Variants in CRB2 observed in about 807,000 individuals in gnomAD.
The protein encoded by CRB2 is crumbs cell polarity complex component 2.
A neutral mutation model predicts 110.9 loss-of-function variants in CRB2; 85 were observed. That is an observed-to-expected ratio of 0.77 (90% CI 0.64 to 0.92). The LOEUF (loss-of-function observed/expected upper bound fraction) is 0.92. CRB2 is among the 40% of genes least tolerant of loss of function. The pLI is 0.00. For missense variants in CRB2, 1,843 were observed against 1,851.3 expected (o/e 1.00, Z 0.08); for synonymous variants, 907 against 831.0 (o/e 1.09, Z -1.57).
rs960391973 is a variant in CRB2, at chr9:123,371,137, G to T, written c.1995G>T (p.Leu665=). Residue 665 remains leucine (L), a synonymous_variant, in exon 8 of 13, where the codon CTG becomes CTT. Coordinates refer to ENST00000373631, the MANE Select transcript of CRB2 (RefSeq NM_173689.7). The part of the protein sequence containing the change: ...PSSASFLLQE[L]PGPNLTVSFL... Reference sequence around the variant, plus strand: ...CTGCCTCCTTTCTGCTCCAAGAGCTGCCAGGTCCCAACCTCACAGTGTCTT... The same window carrying T: ...CTGCCTCCTTTCTGCTCCAAGAGCTTCCAGGTCCCAACCTCACAGTGTCTT... The T allele has an allele frequency of 1.2e-6, 2 of 1,613,562 alleles. No homozygotes were observed. Among genetic ancestry groups the T allele is most frequent in the Non-Finnish European group, 1.7e-6 (2 of 1,180,032 alleles).
intron 6 of CRB2, chr9:123,368,963 G>A: frequency 8.2e-7 from 1 of 1,216,480 alleles, no homozygotes; most frequent in South Asian, 1.4e-5. Flanking sequence ...AGGAATGTGG[G>A]CCCTGGGCAG....
Position 123,370,518 on chromosome 9 carries a change from G to A in CRB2, c.1465G>A (p.Val489Met), listed in dbSNP as rs1327641106. The change falls in exon 7 of 13, where the codon GTG (valine) becomes ATG (methionine). Residue 489 changes from valine to methionine, a missense_variant. Transcript: ENST00000373631. ...CAAGGAAAGCTTGGAGCTGGCATTGGTGGCAGCCACACTTCAGGCCACACT... is the reference window on the plus strand; with the variant it reads ...CAAGGAAAGCTTGGAGCTGGCATTGATGGCAGCCACACTTCAGGCCACACT... ...DTKESLELAL[V>M]AATLQATLWS... The A allele has an allele frequency of 1.2e-6, 2 of 1,613,306 alleles. No individual in the cohort carries two copies. The highest frequency in any genetic ancestry group is 2.7e-5 in the African/African-American group (2 of 74,940).
At position 123,365,897 on chromosome 9, in the gene CRB2, G is replaced by A; in HGVS notation, c.419-20G>A. 6.3e-7 allele frequency: 1 copy of A among 1,579,460 alleles called. No individual in the cohort carries two copies. Among genetic ancestry groups the A allele is most frequent in the Non-Finnish European group, 8.5e-7 (1 of 1,169,852 alleles). On this transcript the variant is annotated intron_variant, in intron 2 of 12. Transcript: ENST00000373631. The stretch of plus-strand genomic sequence containing the variant: ...TCTGGGTGTCCATCCTGCACCCTGT[G>A]TGTCCCCTGCCCTGTCCAGGCGTGA...
In CRB2 at chr9:123,377,337, AGT is replaced by A; in HGVS notation, c.*280_*281del. Reference sequence around the variant, plus strand: ...CGTGGGAGGGCACACGTGGGTTCACAGTGTGTTCAGGAGTGTGTGTATCTGGA... The same window carrying A: ...CGTGGGAGGGCACACGTGGGTTCACAGTGTTCAGGAGTGTGTGTATCTGGA... On this transcript the variant is annotated 3_prime_UTR_variant, in exon 13 of 13. Coordinates refer to ENST00000373631, the MANE Select transcript of CRB2 (RefSeq NM_173689.7). 4.3e-6 allele frequency: 2 copies of A among 465,248 alleles called. No homozygotes were observed. Among genetic ancestry groups the A allele is most frequent in the African/African-American group, 1.9e-5 (1 of 51,378 alleles). The allele number at this position is 465,248 out of a possible 1,614,324, so 28.8% of individuals were successfully genotyped here. A position where few individuals can be genotyped will look rare whatever the true frequency, so the allele number is the denominator to read the frequency against.
chr9:123,374,602 G>A lies in CRB2; in HGVS notation c.3413G>A (p.Cys1138Tyr), dbSNP rs998771881. The change falls in exon 11 of 13, where the codon TGC becomes TAC. Residue 1138 changes from cysteine to tyrosine, a missense_variant. Transcript: ENST00000373631. ...AGGTTGCCTGTCCCATCCAAGGAGTGCAGCCTGAATGTCACCTGCCTCGAT... is the reference window on the plus strand; with the variant it reads ...AGGTTGCCTGTCCCATCCAAGGAGTACAGCCTGAATGTCACCTGCCTCGAT... Reference protein sequence around the residue: ...RCRLPVPSKECSLNVTCLDGS... With the variant: ...RCRLPVPSKEYSLNVTCLDGS... 15 of 1,613,330 alleles carry A rather than the reference G, an allele frequency of 9.3e-6. No individual in the cohort carries two copies. The highest frequency in any genetic ancestry group is 1.3e-5 in the Non-Finnish European group (15 of 1,179,914).
intron 1 of CRB2, among the ~76,000 whole-genome samples, chr9:123,361,171 G>T (rs970273395): frequency 6.6e-6 from 1 of 151,938 alleles, no homozygotes; most frequent in Non-Finnish European, 1.5e-5. Context: ...ACAGGTGAGG[G>T]ACAGTGCTCT....
At chr9:123,376,634 C>A (rs1450283674) in intron 12 of CRB2, among the ~76,000 whole-genome samples, 1 of 152,196 alleles carries the variant, frequency 6.6e-6, no homozygotes, top group African/African-American at 2.4e-5. Flanking sequence ...TTGTATAGGC[C>A]TCCCCGAGCA....
At chr9:123,376,816 C>CTCGGTG in intron 12 of CRB2, 22 bp from the exon 13 acceptor site, 1 of 1,592,244 alleles carries the variant, frequency 6.3e-7, no homozygotes, top group African/African-American at 1.3e-5. Flanking sequence ...GGTCTTAGGC[C>CTCGGTG]TCGGTGTCGT....
At chr9:123,372,413 T>C (rs1004861289) in intron 9 of CRB2, 71 bp downstream of exon 9, 2 of 1,510,384 alleles carry the variant, frequency 1.3e-6, no homozygotes, top group African/African-American at 1.4e-5. Flanking sequence ...CCATCTGCAC[T>C]CTCAGGGCTT....
upstream of CRB2, among the ~76,000 whole-genome samples, chr9:123,354,317 G>A (rs2041776902): frequency 2.0e-5 from 3 of 152,366 alleles, no homozygotes; most frequent in South Asian, 2.1e-4. Flanking sequence ...TGACCTCCCC[G>A]CTCTGTGAAA....
chr9:123,367,436 C>CTA, intron 5 of CRB2, 79 bp downstream of exon 5: 1 of 1,105,198 alleles, frequency 9.0e-7, no homozygotes, highest in Non-Finnish European at 1.2e-6. Context: ...CCCACCCCCC[C>CTA]CACCCCCCCA....
In CRB2 at chr9:123,373,141, G is replaced by A. The variant is rs1162203262; in HGVS notation, c.2610G>A (p.Ala870=). ...GGCTCCTTCTCTCCGCAGGTGTGGC[G>A]GAGGCCACGTTCCGCGAGGGTCCCC... ...EEVPDGFVCV[A]EATFREGPPA... is the part of the protein sequence containing the mutation. Residue 870 remains alanine (A), a synonymous_variant, in exon 10 of 13, where the codon GCG becomes GCA. Coordinates refer to ENST00000373631, the MANE Select transcript of CRB2 (RefSeq NM_173689.7). 4.0e-6 allele frequency: 6 copies of A among 1,505,108 alleles called. No individual in the cohort carries two copies. The highest frequency in any genetic ancestry group is 2.1e-5 in the Admixed American group (1 of 47,480). The allele number at this position is 1,505,108 out of a possible 1,614,324, so 93.2% of individuals were successfully genotyped here. A position where few individuals can be genotyped will look rare whatever the true frequency, so the allele number is the denominator to read the frequency against.
At chr9:123,356,382 C>T in intron 1 of CRB2, 28 bp downstream of exon 1, 1 of 1,499,220 alleles carries the variant, frequency 6.7e-7, no homozygotes, top group Non-Finnish European at 8.9e-7. Context: ...TCTGGAGGGG[C>T]CTGGGAGAGG....
At chr9:123,376,029 GTTTCC>G (rs2042098255) in intron 12 of CRB2, among the ~76,000 whole-genome samples, 1 of 152,038 alleles carries the variant, frequency 6.6e-6, no homozygotes, top group South Asian at 2.1e-4. Flanking sequence ...TACGGGGAAT[GTTTCC>G]TTTCAAGTTG....
At chr9:123,366,683 T>G (rs976626035) in intron 4 of CRB2, among the ~76,000 whole-genome samples, 8 of 152,142 alleles carry the variant, frequency 5.3e-5, no homozygotes, top group African/African-American at 1.9e-4. Flanking sequence ...CCGGGCGCGG[T>G]GGCTCAAGCC....
chr9:123,373,312 C>G lies in CRB2; in HGVS notation c.2781C>G (p.Gly927=). The G allele has an allele frequency of 2.1e-6, 3 of 1,461,778 alleles. No individual in the cohort carries two copies. The highest frequency in any genetic ancestry group is 1.8e-6 in the Non-Finnish European group (2 of 1,115,858). The allele number at this position is 1,461,778 out of a possible 1,614,324, so 90.6% of individuals were successfully genotyped here. Reference sequence around the variant, plus strand: ...GCGTGTGGCTGGCGGTGCGCAATGGCTCGCTGGCGGGGGGCGTGCGCGGAG... The same window carrying G: ...GCGTGTGGCTGGCGGTGCGCAATGGGTCGCTGGCGGGGGGCGTGCGCGGAG... The part of the protein sequence containing the change: ...LEGVWLAVRN[G]SLAGGVRGGH... Residue 927 remains glycine, a synonymous_variant, in exon 10 of 13, where the codon GGC becomes GGG. Coordinates refer to ENST00000373631, the MANE Select transcript of CRB2 (RefSeq NM_173689.7).
chr9:123,378,545 C>A lies in CRB2; in HGVS notation c.*1483C>A, dbSNP rs906496788. 1 of 152,204 alleles carries A rather than the reference C, an allele frequency of 6.6e-6. No homozygotes were observed. Among genetic ancestry groups the A allele is most frequent in the Non-Finnish European group, 1.5e-5 (1 of 68,076 alleles). The allele number at this position is 152,204 out of a possible 1,614,324, so 9.4% of individuals were successfully genotyped here. ...TCAGCAGACGCTGGGATAGAGAGGGCCCTGAACACCAGGCTCAGGGGCTTG... is the reference window on the plus strand; with the variant it reads ...TCAGCAGACGCTGGGATAGAGAGGGACCTGAACACCAGGCTCAGGGGCTTG... On this transcript the variant is annotated 3_prime_UTR_variant, in exon 13 of 13. Transcript: ENST00000373631.
At chr9:123,373,061 T>C in intron 9 of CRB2, 73 bp from the exon 10 acceptor site, 3 of 1,293,344 alleles carry the variant, frequency 2.3e-6, no homozygotes, top group Non-Finnish European at 3.1e-6. Flanking sequence ...TGCCACTCGC[T>C]GGGGGAAGTG....
upstream of CRB2, among the ~76,000 whole-genome samples, chr9:123,355,386 G>T (rs532417287): frequency 6.6e-6 from 1 of 151,996 alleles, no homozygotes; most frequent in Non-Finnish European, 1.5e-5. Flanking sequence ...TTGCAGTGAG[G>T]TCGCTGGAGT....
Sources: allele counts gnomAD v4.1 joint callset (sites outside exome capture counted in the v4.1 genomes callset), GRCh38; gene constraint gnomAD v4.1.1; transcripts MANE v1.5; gene names NCBI Gene and HGNC (gene_info 2026-07-23, HGNC 2026-07-21).